The following UBR1 variants were observed in gnomAD, a reference collection of about 807,000 sequenced individuals.
UBR1 encodes the protein ubiquitin protein ligase E3 component n-recognin 1.
Under a neutral mutation model 242.1 loss-of-function variants are expected in UBR1, and 102 were observed. That is an observed-to-expected ratio of 0.42 (90% CI 0.36 to 0.50). The LOEUF (loss-of-function observed/expected upper bound fraction) is 0.50. Ranked by LOEUF, UBR1 falls within the 20% of genes least tolerant of loss-of-function variation. The probability of loss-of-function intolerance (pLI) is 0.01; values close to 1 mark genes in which losing one functional copy is unlikely to be tolerated. For missense variants in UBR1, 1,772 were observed against 2,101.8 expected (o/e 0.84, Z 3.07); for synonymous variants, 675 against 684.8 (o/e 0.99, Z 0.22).
At chr15:43,083,947 G>T (rs917861537) in intron 2 of UBR1, among the ~76,000 whole-genome samples, 25 of 152,100 alleles carry the variant, frequency 1.6e-4, no homozygotes, top group African/African-American at 6.0e-4. Context: ...AGGAGGTTGA[G>T]GCAGGAAAAT....
intron 15 of UBR1, among the ~76,000 whole-genome samples, chr15:43,042,969 C>G (rs2033438306): frequency 6.6e-6 from 1 of 151,986 alleles, no homozygotes; most frequent in Non-Finnish European, 1.5e-5. Flanking sequence ...CACGTTAGTC[C>G]TTAAGTATAT....
chr15:42,991,463 C>A (rs994098917), intron 33 of UBR1, among the ~76,000 whole-genome samples: 3 of 152,022 alleles, frequency 2.0e-5, no homozygotes, highest in Non-Finnish European at 4.4e-5. Context: ...TTCTTATCTG[C>A]TTGAGATTTA....
At chr15:43,052,889 C>T (rs1373765232) in intron 12 of UBR1, among the ~76,000 whole-genome samples, 2 of 152,066 alleles carry the variant, frequency 1.3e-5, no homozygotes, top group African/African-American at 2.4e-5. Flanking sequence ...TACAGATAAA[C>T]GGTGTTTATA....
At chr15:43,078,741 G>C (rs919542894) in intron 3 of UBR1, among the ~76,000 whole-genome samples, 1 of 151,608 alleles carries the variant, frequency 6.6e-6, no homozygotes, top group Non-Finnish European at 1.5e-5. Context: ...GTTTGAAGTG[G>C]GAGGATCACT....
chr15:42,967,132 G>A (rs962812772), intron 40 of UBR1, among the ~76,000 whole-genome samples: 31 of 151,122 alleles, frequency 2.1e-4, no homozygotes, highest in African/African-American at 7.3e-4. Context: ...TGGCCAGGAT[G>A]GTTTCGAACT....
chr15:43,036,255 T>A lies in UBR1; in HGVS notation c.2113A>T (p.Asn705Tyr). Residue 705 changes from asparagine to tyrosine, a missense_variant, in exon 19 of 47, where the codon AAT (asparagine) becomes TAT (tyrosine). Around this residue, in one of 3 missense-constraint regions of UBR1, gnomAD observed 734 missense variants for 893.3 expected, o/e 0.82. Transcript: ENST00000290650. ...TGAAGTACCAGTAACAAGAACTTAT[T>A]GGGATCCATTAAAGATGCACCAATC... ...LQIGASLMDP[N>Y]KFLLLVLQRY... 6.2e-7 allele frequency: 1 copy of A among 1,613,672 alleles called. No individual in the cohort carries two copies.
At chr15:43,048,302 T>C in intron 13 of UBR1, 90 bp downstream of exon 13, 3 of 981,000 alleles carry the variant, frequency 3.1e-6, no homozygotes, top group Non-Finnish European at 4.6e-6. Flanking sequence ...AATTCTTTCT[T>C]GTATTAAAAC....
intron 6 of UBR1, among the ~76,000 whole-genome samples, chr15:43,065,445 G>C (rs1029175402): frequency 6.6e-6 from 1 of 151,984 alleles, no homozygotes. Flanking sequence ...CTGCCGCAGA[G>C]ATCAACCCAT....
rs112860753 is a variant in UBR1, at chr15:42,998,333, A to G, written c.3660-68T>C. 3 of 1,392,676 alleles carry G rather than the reference A, an allele frequency of 2.2e-6. No individual in the cohort carries two copies. The African/African-American group carries it at 4.3e-5, about 20-fold the overall frequency. The allele number at this position is 1,392,676 out of a possible 1,614,324, so 86.3% of individuals were successfully genotyped here. A position where few individuals can be genotyped will look rare whatever the true frequency, so the allele number is the denominator to read the frequency against. The stretch of plus-strand genomic sequence containing the variant: ...AGTCAAATGGAAAAGCTGAATTTGT[A>G]TTATTTCCTTGGATAAATGGTCATA... On this transcript the variant is annotated intron_variant, in intron 32 of 46. Transcript: ENST00000290650.
chr15:43,015,041 G>T (rs1377774577), intron 29 of UBR1, among the ~76,000 whole-genome samples: 19 of 150,748 alleles, frequency 1.3e-4, no homozygotes, highest in African/African-American at 4.4e-4. Context: ...CCCCCGCCCG[G>T]CCAGCCACCC....
At chr15:43,025,606 A>T (rs961465014) in intron 23 of UBR1, 177 bp from the exon 24 acceptor site, 2 of 592,936 alleles carry the variant, frequency 3.4e-6, no homozygotes, top group Non-Finnish European at 6.0e-6. Context: ...CCTAATGCAA[A>T]ATAGATGAGG....
chr15:43,087,414 AT>A (rs1477370137), intron 1 of UBR1, among the ~76,000 whole-genome samples: 2 of 152,148 alleles, frequency 1.3e-5, no homozygotes, highest in Admixed American at 6.5e-5. Context: ...CAAAAAAAAA[AT>A]AAAATAAAAT....
intron 6 of UBR1, 117 bp downstream of exon 6, chr15:43,067,781 G>A (rs1472040156): frequency 5.1e-6 from 6 of 1,176,180 alleles, no homozygotes; most frequent in Non-Finnish European, 7.4e-6. Context: ...TAGGATGTAA[G>A]GAATAAATGG....
At chr15:43,011,171 G>C (rs1200585891) in intron 29 of UBR1, among the ~76,000 whole-genome samples, 1 of 149,812 alleles carries the variant, frequency 6.7e-6, no homozygotes, top group Non-Finnish European at 1.5e-5. Flanking sequence ...AACATAGTGA[G>C]ACCCCATCTC....
Position 43,036,222 on chromosome 15 carries a change from C to T in UBR1, c.2146G>A (p.Glu716Lys), listed in dbSNP as rs1250271053. The change falls in exon 19 of 47, where the codon GAA (glutamate) becomes AAA (lysine). Residue 716 changes from glutamate (E) to lysine (K), a missense_variant. By Grantham distance (56) the Glu-to-Lys change is moderately conservative. Transcript: ENST00000290650. ...GTCTTGTTAAAAGCCTCGGCAAGTTCATACCTCTGAAGTACCAGTAACAAG... is the reference window on the plus strand; with the variant it reads ...GTCTTGTTAAAAGCCTCGGCAAGTTTATACCTCTGAAGTACCAGTAACAAG... ...KFLLLVLQRY[E>K]LAEAFNKTIS... 6.2e-7 allele frequency: 1 copy of T among 1,613,748 alleles called. No homozygotes were observed. The highest frequency in any genetic ancestry group is 8.5e-7 in the Non-Finnish European group (1 of 1,179,822).
intron 33 of UBR1, among the ~76,000 whole-genome samples, chr15:42,993,135 T>C (rs2032581357): frequency 6.6e-6 from 1 of 152,208 alleles, no homozygotes; most frequent in Non-Finnish European, 1.5e-5. Flanking sequence ...TCATGGATTT[T>C]TGCTGTTCAT....
Position 43,027,836 on chromosome 15 carries a change from A to G in UBR1, c.2380-8T>C, listed in dbSNP as rs2033197271. 1.9e-6 allele frequency: 3 copies of G among 1,611,622 alleles called. No homozygotes were observed. The highest frequency in any genetic ancestry group is 2.7e-5 in the African/African-American group (2 of 74,844). On this transcript the variant is annotated splice_region_variant and splice_polypyrimidine_tract_variant and intron_variant, in intron 21 of 46. Transcript: ENST00000290650. ...GCCAGTTTCATTATTTTCCTGTTGA[A>G]ACAATATTTTTGTCATTTTTACCTT...
intron 3 of UBR1, among the ~76,000 whole-genome samples, chr15:43,077,064 C>G (rs1341877721): frequency 3.5e-5 from 4 of 113,148 alleles, no homozygotes; most frequent in African/African-American, 1.3e-4. Flanking sequence ...GCCGCCCCAT[C>G]CGGGAGGTGA....
intron 38 of UBR1, among the ~76,000 whole-genome samples, 156 bp from the exon 39 acceptor site, chr15:42,977,023 CTT>C (rs1275628461): frequency 6.6e-6 from 1 of 152,110 alleles, no homozygotes; most frequent in African/African-American, 2.4e-5. Flanking sequence ...AATAGAATAT[CTT>C]AGAATATAAT....
Sources: gnomAD v4.1 joint callset for allele counts (sites outside exome capture counted in the v4.1 genomes callset) on GRCh38, gnomAD v4.1.1 for gene constraint, gnomAD v4.1.1 regional missense constraint, MANE v1.5 for transcripts, NCBI Gene and HGNC (gene_info 2026-07-23, HGNC 2026-07-21) for gene names.